The following RER1 variants were observed in gnomAD, a reference collection of about 807,000 sequenced individuals.
RER1 encodes the protein protein RER1.
Under a neutral mutation model 28.3 loss-of-function variants are expected in RER1, and 6 were observed. That is an observed-to-expected ratio of 0.21 (90% confidence interval 0.12 to 0.42). The LOEUF is 0.42. Among genes scored for constraint, RER1 ranks in the 10% least tolerant of loss-of-function variants. The pLI is 1.00. For synonymous variants in RER1, 110 were observed against 95.9 expected (o/e 1.15, Z -0.86); for missense variants, 159 against 252.9 (o/e 0.63, Z 2.52).
At chr1:2,399,668 A>G in intron 4 of RER1, among the ~76,000 whole-genome samples, 154 bp downstream of exon 4, 1 of 151,610 alleles carries the variant, frequency 6.6e-6, no homozygotes, top group East Asian at 1.9e-4. Context: ...TTGTAGAATG[A>G]CTCTTCAAAC....
chr1:2,399,441 G>C lies in RER1; in HGVS notation c.213G>C (p.Leu71Phe). Residue 71 changes from leucine to phenylalanine, a missense_variant, in exon 4 of 7, where the codon TTG becomes TTC. Physicochemically the swap from Leu to Phe is conservative, Grantham distance 22 (BLOSUM62 0). Coordinates refer to ENST00000605895, the MANE Select transcript of RER1 (RefSeq NM_007033.5). ...LQGWYIVTYALGIYHLNLFIA... is the reference protein window; with the variant it reads ...LQGWYIVTYAFGIYHLNLFIA... ...GTTGGTACATTGTGACCTATGCCTT[G>C]GGGATCTACCATCTAAATCTTTTCA... 1 of 1,611,958 alleles carries C rather than the reference G, an allele frequency of 6.2e-7. No individual in the cohort carries two copies. Among genetic ancestry groups the C allele is most frequent in the Non-Finnish European group, 8.5e-7 (1 of 1,178,028 alleles).
Position 2,392,431 on chromosome 1 carries a change from C to T in RER1, c.-8+473C>T, listed in dbSNP as rs72924931. Among the ~76,000 whole-genome samples, 815 of 152,296 alleles carry T rather than the reference C, an allele frequency of 5.4e-3. 7 individuals are homozygous for T. The highest frequency in any genetic ancestry group is 0.018 in the African/African-American group (762 of 41,558). Reference sequence around the variant, plus strand: ...AGCTCTGGGGTGAAGGCGTTACTGACGGGCTGAAGGGAAACTAGTTACATC... The same window carrying T: ...AGCTCTGGGGTGAAGGCGTTACTGATGGGCTGAAGGGAAACTAGTTACATC... On this transcript the variant is annotated intron_variant, in intron 1 of 6. Transcript: ENST00000605895.
At chr1:2,396,022 G>A (rs1307945315) in intron 2 of RER1, 151 bp downstream of exon 2, 130 of 674,888 alleles carry the variant, frequency 1.9e-4, no homozygotes, top group Middle Eastern at 2.4e-4. Flanking sequence ...TCTCTTCACT[G>A]TGAAGGGCCA....
intron 1 of RER1, chr1:2,393,889 A>T (rs1216387400): frequency 6.6e-6 from 1 of 152,234 alleles, no homozygotes; most frequent in Non-Finnish European, 1.5e-5. Context: ...TAGGTTTTCT[A>T]CATGTTCAGT....
At chr1:2,395,894 G>A (rs1642761540) in intron 2 of RER1, 23 bp downstream of exon 2, 1 of 1,551,966 alleles carries the variant, frequency 6.4e-7, no homozygotes, top group Non-Finnish European at 8.9e-7. Flanking sequence ...TTTAGTAGAT[G>A]AGTATAAATA....
intron 3 of RER1, among the ~76,000 whole-genome samples, chr1:2,398,762 G>A (rs1419757506): frequency 6.6e-6 from 1 of 152,258 alleles, no homozygotes; most frequent in African/African-American, 2.4e-5. Context: ...TTTAAAAAAT[G>A]AATTAGTTGC....
chr1:2,399,135 G>C (rs1214920207), intron 3 of RER1, among the ~76,000 whole-genome samples: 1 of 152,180 alleles, frequency 6.6e-6, no homozygotes, highest in Non-Finnish European at 1.5e-5. Context: ...GGCGTCTGTG[G>C]CTTCAGGGAT....
At position 2,395,833 on chromosome 1, in the gene RER1, C is replaced by A; in HGVS notation, c.43C>A (p.Pro15Thr). Residue 15 changes from proline (P) to threonine (T), a missense_variant, in exon 2 of 7, where the codon CCT (proline) becomes ACT (threonine). By Grantham distance (38) the Pro-to-Thr change is conservative (BLOSUM62 -1). Coordinates refer to ENST00000605895, the MANE Select transcript of RER1 (RefSeq NM_007033.5). ...DSVGESVHGK[P>T]SVVYRFFTRL... ...TGTGGGAGAATCCGTCCATGGGAAA[C>A]CTTCGGTGGTGTACAGATTTTTCAC... The A allele has an allele frequency of 1.9e-6, 3 of 1,614,070 alleles. No homozygotes were observed. Among genetic ancestry groups the A allele is most frequent in the Non-Finnish European group, 2.5e-6 (3 of 1,179,938 alleles).
Position 2,402,210 on chromosome 1 carries a change from T to C in RER1, c.369T>C (p.His123=), listed in dbSNP as rs767173255. Residue 123 remains histidine, a synonymous_variant, in exon 6 of 7, where the codon CAT becomes CAC. Coordinates refer to ENST00000605895, the MANE Select transcript of RER1 (RefSeq NM_007033.5). ...IRRLPEFKFW[H]AATKGILVAM... ...AACCTTCTCTCCCCACTTGAAGGCA[T>C]GCGGCTACCAAGGGCATCCTTGTGG... The C allele has an allele frequency of 2.5e-6, 4 of 1,614,072 alleles. No individual in the cohort carries two copies. The highest frequency in any genetic ancestry group is 2.2e-5 in the South Asian group (2 of 91,090).
At chr1:2,392,443 A>C (rs754216248) in intron 1 of RER1, among the ~76,000 whole-genome samples, 1 of 152,210 alleles carries the variant, frequency 6.6e-6, no homozygotes, top group Non-Finnish European at 1.5e-5. Context: ...GGCTGAAGGG[A>C]AACTAGTTAC....
intron 5 of RER1, 130 bp from the exon 6 acceptor site, chr1:2,402,077 T>C: frequency 1.3e-6 from 2 of 1,599,334 alleles, no homozygotes; most frequent in Non-Finnish European, 8.5e-7. Flanking sequence ...GTGCCCAGGG[T>C]AGACCCCTCC....
chr1:2,400,555 G>C (rs917977970), intron 4 of RER1, among the ~76,000 whole-genome samples: 6 of 152,186 alleles, frequency 3.9e-5, no homozygotes, highest in East Asian at 1.9e-4. Flanking sequence ...ATTTGCCTTT[G>C]TTTTCTTCTG....
chr1:2,393,717 G>C (rs995270121), intron 1 of RER1, among the ~76,000 whole-genome samples: 1 of 152,234 alleles, frequency 6.6e-6, no homozygotes, highest in Non-Finnish European at 1.5e-5. Flanking sequence ...CTGAAAGCAG[G>C]CTGTTGGAGT....
chr1:2,395,026 G>C (rs545578222), intron 1 of RER1: 9 of 152,438 alleles, frequency 5.9e-5, no homozygotes, highest in Admixed American at 2.0e-4. Context: ...CCCAGAAGCA[G>C]GGCTGTGGCA....
At chr1:2,395,642 AT>A in intron 1 of RER1, 141 bp from the exon 2 acceptor site, 1 of 674,962 alleles carries the variant, frequency 1.5e-6, no homozygotes, top group Non-Finnish European at 2.6e-6. Flanking sequence ...TTCCCGAACA[AT>A]TCATGGTAAA....
At chr1:2,394,610 G>A (rs1005270409) in intron 1 of RER1, 2 of 152,244 alleles carry the variant, frequency 1.3e-5, no homozygotes, top group African/African-American at 4.8e-5. Flanking sequence ...TGTTGCTGAG[G>A]AATGATGTCT....
At chr1:2,393,407 G>A (rs945122953) in intron 1 of RER1, among the ~76,000 whole-genome samples, 4 of 152,166 alleles carry the variant, frequency 2.6e-5, no homozygotes, top group African/African-American at 9.7e-5. Flanking sequence ...GTGATGTAAG[G>A]GACTGGGGGT....
In RER1 at chr1:2,403,527, A is replaced by C. The variant is rs1372815338; in HGVS notation, c.*403A>C. The C allele has an allele frequency of 7.2e-6, 2 of 278,512 alleles. No individual in the cohort carries two copies. Among genetic ancestry groups the C allele is most frequent in the Non-Finnish European group, 1.4e-5 (2 of 142,016 alleles). 17.3% of individuals were successfully genotyped at this position (278,512 alleles called of 1,614,324 possible). ...AGCCGCAGGTGGTGCCAGCCACTCC[A>C]CAGAGCCCGAGGGATGATCTAGCCT... On this transcript the variant is annotated 3_prime_UTR_variant, in exon 7 of 7. Coordinates refer to ENST00000605895, the MANE Select transcript of RER1 (RefSeq NM_007033.5).
At chr1:2,393,721 T>C (rs75069099) in intron 1 of RER1, among the ~76,000 whole-genome samples, 4,470 of 152,310 alleles carry the variant, frequency 0.029, 205 homozygotes, top group African/African-American at 0.1. Context: ...AAGCAGGCTG[T>C]TGGAGTCCAA....
Sources: gnomAD v4.1 joint callset for allele counts (sites outside exome capture counted in the v4.1 genomes callset) on GRCh38, gnomAD v4.1.1 for gene constraint, MANE v1.5 for transcripts, NCBI Gene and HGNC (gene_info 2026-07-23, HGNC 2026-07-21) for gene names.